The following BIRC6 variants were observed in gnomAD, a reference collection of about 807,000 sequenced individuals.
BIRC6 encodes the protein baculoviral IAP repeat containing 6.
BIRC6 carries 98 observed loss-of-function variants against 503.3 expected under a neutral mutation model. The observed-to-expected ratio is 0.19, with a 90% CI of 0.17 to 0.23. BIRC6 has a LOEUF of 0.23. Ranked by LOEUF, BIRC6 falls within the 10% of genes least tolerant of loss-of-function variation. BIRC6 has a pLI of 1.00. For missense variants in BIRC6, 5,360 were observed against 5,806.0 expected, an observed-to-expected ratio of 0.92 and a Z score of 2.50; for synonymous variants, 2,240 against 2,078.7, an observed-to-expected ratio of 1.08 and a Z score of -2.11.
chr2:32,395,162 A>G (rs1417875043), intron 5 of BIRC6, among the ~76,000 whole-genome samples: 1 of 152,180 alleles, frequency 6.6e-6, no homozygotes, highest in East Asian at 1.9e-4. Context: ...CAAAAACAGC[A>G]ACAACGACAA....
intron 1 of BIRC6, among the ~76,000 whole-genome samples, chr2:32,376,403 G>C (rs929344124): frequency 4.6e-5 from 7 of 151,916 alleles, no homozygotes; most frequent in African/African-American, 1.7e-4. Context: ...ATTTAATACT[G>C]TATTTTTTAC....
chr2:32,568,204 A>G (rs1412590638), intron 65 of BIRC6, among the ~76,000 whole-genome samples: 1 of 146,096 alleles, frequency 6.8e-6, no homozygotes, highest in Non-Finnish European at 1.5e-5. Context: ...TTTTTTTTTC[A>G]GGATAATCTA....
chr2:32,567,986 C>T (rs1003221829), intron 65 of BIRC6, among the ~76,000 whole-genome samples: 1 of 152,062 alleles, frequency 6.6e-6, no homozygotes, highest in South Asian at 2.1e-4. Flanking sequence ...GTGGCGGGCA[C>T]CTGTACTCCC....
chr2:32,451,168 T>C (rs918992636), intron 22 of BIRC6, among the ~76,000 whole-genome samples: 5 of 152,218 alleles, frequency 3.3e-5, no homozygotes, highest in African/African-American at 1.2e-4. Context: ...TTTCAGTTAC[T>C]TTACCTTTCT....
chr2:32,366,702 A>G (rs1296201775), intron 1 of BIRC6, among the ~76,000 whole-genome samples: 1 of 152,078 alleles, frequency 6.6e-6, no homozygotes, highest in Non-Finnish European at 1.5e-5. Flanking sequence ...TGAGATACCA[A>G]CTTTAAAATG....
At chr2:32,372,997 T>G (rs2036199468) in intron 1 of BIRC6, among the ~76,000 whole-genome samples, 1 of 152,214 alleles carries the variant, frequency 6.6e-6, no homozygotes, top group South Asian at 2.1e-4. Flanking sequence ...TTTGGTAAGT[T>G]TGTGTTTAAC....
chr2:32,434,821 C>T (rs2148095685), intron 13 of BIRC6, among the ~76,000 whole-genome samples: 2 of 152,274 alleles, frequency 1.3e-5, no homozygotes, highest in South Asian at 4.1e-4. Context: ...GACTGCACCA[C>T]TGCACTCCAG....
chr2:32,555,497 G>C (rs1318938000), intron 65 of BIRC6, among the ~76,000 whole-genome samples: 1 of 152,028 alleles, frequency 6.6e-6, no homozygotes, highest in African/African-American at 2.4e-5. Context: ...AAATAGCCGG[G>C]TGTGGTGGCG....
At chr2:32,405,736 A>G (rs1214853787) in intron 8 of BIRC6, among the ~76,000 whole-genome samples, 1 of 152,230 alleles carries the variant, frequency 6.6e-6, no homozygotes, top group Non-Finnish European at 1.5e-5. Context: ...ATGTGAGTAC[A>G]CAAACATACA....
Position 32,392,078 on chromosome 2 carries a change from T to G in BIRC6, c.879T>G (p.Phe293Leu). 5 of 1,597,142 alleles carry G rather than the reference T, an allele frequency of 3.1e-6. No homozygotes were observed. The highest frequency in any genetic ancestry group is 4.3e-6 in the Non-Finnish European group (5 of 1,171,110). ...GTGAAGCTAACAGACGGGAGACATT[T>G]ACCTCATGGCCTCATGTAGGCTATA... ...MYSEANRRET[F>L]TSWPHVGYRW... The change falls in exon 5 of 74, where the codon TTT becomes TTG. Residue 293 changes from phenylalanine to leucine, a missense_variant. Around this residue, in one of 16 missense-constraint regions of BIRC6, gnomAD observed 92 missense variants for 176.7 expected, o/e 0.52. Coordinates refer to ENST00000421745, the MANE Select transcript of BIRC6 (RefSeq NM_016252.4).
At chr2:32,607,187 TATTATC>T (rs1483565823) in intron 71 of BIRC6, among the ~76,000 whole-genome samples, 9 of 119,182 alleles carry the variant, frequency 7.6e-5, no homozygotes, top group East Asian at 2.1e-4. Flanking sequence ...CTATTATTAT[TATTATC>T]ATCTATCTTC....
At position 32,540,809 on chromosome 2, in the gene BIRC6, G is replaced by T. The variant is rs143090656; in HGVS notation, c.12292-2432G>T. On this transcript the variant is annotated intron_variant, in intron 61 of 73. Coordinates refer to ENST00000421745, the MANE Select transcript of BIRC6 (RefSeq NM_016252.4). ...GCTGTATATTTAACTATACCTTATT[G>T]TGTGTATTAGTCTTAATGTTGACTA... 2.4e-3 allele frequency among the ~76,000 whole-genome samples: 369 copies of T among 151,980 alleles called. 1 individual carries two copies. The highest frequency in any genetic ancestry group is 8.5e-3 in the African/African-American group (353 of 41,494).
At chr2:32,469,685 G>GAA in intron 30 of BIRC6, 71 bp downstream of exon 30, 1 of 1,311,502 alleles carries the variant, frequency 7.6e-7, no homozygotes, top group Non-Finnish European at 1.1e-6. Flanking sequence ...GTTAGCTTTT[G>GAA]AAATCTTTGA....
rs2050141477 is a variant in BIRC6 at position 32,479,494 on chromosome 2, A to G, written c.7285A>G (p.Met2429Val). The G allele has an allele frequency of 8.1e-6, 13 of 1,604,524 alleles. No individual in the cohort carries two copies. Among genetic ancestry groups the G allele is most frequent in the Non-Finnish European group, 1.1e-5 (13 of 1,175,156 alleles). The part of the protein sequence containing the change: ...ELLAPVAAEA[M>V]EEGTVGDDVG... ...ACTGGCTCCAGTAGCCGCAGAAGCC[A>G]TGGAGGAAGGAACAGTGGGTGATGA... is the stretch of plus-strand genomic sequence containing the variant. The change falls in exon 37 of 74, where the codon ATG becomes GTG. Residue 2429 changes from methionine to valine, a missense_variant. Around this residue, in one of 16 missense-constraint regions of BIRC6, gnomAD observed 2,299 missense variants for 2,267.2 expected, o/e 1.01. Coordinates refer to ENST00000421745, the MANE Select transcript of BIRC6 (RefSeq NM_016252.4).
At position 32,578,989 on chromosome 2, in the gene BIRC6, T is replaced by TATATATATATATATATATATAC. The variant is rs1480624603; in HGVS notation, c.13355+3624_13355+3625insTATATATATATATATATATACA. Among the ~76,000 whole-genome samples the TATATATATATATATATATATAC allele has an allele frequency of 1.8e-4, 16 of 89,654 alleles. 1 individual carries two copies. Among genetic ancestry groups the TATATATATATATATATATATAC allele is most frequent in the African/African-American group, 4.3e-4 (8 of 18,494 alleles). 58.8% of individuals were successfully genotyped at this position (89,654 alleles called of 152,430 possible). A position where few individuals can be genotyped will look rare whatever the true frequency, so the allele number is the denominator to read the frequency against. On this transcript the variant is annotated intron_variant, in intron 66 of 73. Coordinates refer to ENST00000421745, the MANE Select transcript of BIRC6 (RefSeq NM_016252.4). ...TATTTTTATATACCTAATATATATA[T>TATATATATATATATATATATAC]ACACTTAATATATATATATACCTAA... is the stretch of plus-strand genomic sequence containing the variant.
chr2:32,374,564 C>G (rs1461459450), intron 1 of BIRC6, among the ~76,000 whole-genome samples: 2 of 151,804 alleles, frequency 1.3e-5, no homozygotes, highest in African/African-American at 4.8e-5. Flanking sequence ...GCTCCGCCTC[C>G]CAGGTTCACG....
At chr2:32,360,896 A>ATG (rs1177521981) in intron 1 of BIRC6, among the ~76,000 whole-genome samples, 3 of 150,592 alleles carry the variant, frequency 2.0e-5, no homozygotes, top group African/African-American at 7.4e-5. Context: ...GTGTGTGTGT[A>ATG]TGTGTGTGTG....
At chr2:32,548,364 A>ATTTTTTTTTTTTTTTTTT (rs1491147471) in intron 64 of BIRC6, among the ~76,000 whole-genome samples, 1 of 68,048 alleles carries the variant, frequency 1.5e-5, no homozygotes. Context: ...TTGGTTGCTT[A>ATTTTTTTTTTTTTTTTTT]CTTTTTTTTT....
intron 4 of BIRC6, 102 bp downstream of exon 4, chr2:32,389,045 C>T: frequency 1.2e-6 from 1 of 819,814 alleles, no homozygotes; most frequent in East Asian, 3.3e-5. Flanking sequence ...TTAAAAATTT[C>T]ACAATTTCTA....
Sources: allele counts gnomAD v4.1 joint callset (sites outside exome capture counted in the v4.1 genomes callset), GRCh38; gene constraint gnomAD v4.1.1; regional missense constraint gnomAD v4.1.1; transcripts MANE v1.5; gene names NCBI Gene and HGNC (gene_info 2026-07-23, HGNC 2026-07-21).